Variants in TAFA4 observed in about 807,000 individuals in gnomAD.
TAFA4 encodes TAFA chemokine like family member 4.
A neutral mutation model predicts 21.1 loss-of-function variants in TAFA4; 20 were observed. The ratio of observed to expected loss-of-function variants is 0.95; its 90% CI spans 0.67 to 1.38. The LOEUF (loss-of-function observed/expected upper bound fraction) is 1.38. TAFA4 is among the 40% of genes most tolerant of loss of function. The pLI is 0.00. For missense variants in TAFA4, 211 were observed against 180.9 expected, an observed-to-expected ratio of 1.17 and a Z score of -0.95; for synonymous variants, 71 against 67.4, an observed-to-expected ratio of 1.05 and a Z score of -0.26.
At chr3:68,735,567 C>T (rs570301839) in intron 5 of TAFA4, among the ~76,000 whole-genome samples, 133 of 152,166 alleles carry the variant, frequency 8.7e-4, no homozygotes, top group Non-Finnish European at 1.7e-3. Flanking sequence ...GTTTTTTACA[C>T]GTTCCCATGA....
At chr3:68,762,657 T>C (rs1405181111) in intron 3 of TAFA4, among the ~76,000 whole-genome samples, 2 of 152,248 alleles carry the variant, frequency 1.3e-5, no homozygotes, top group Admixed American at 1.3e-4. Context: ...GGTGCTGTCC[T>C]GTTAAGTCTG....
At chr3:68,806,744 C>T (rs1703708749) in intron 3 of TAFA4, among the ~76,000 whole-genome samples, 1 of 152,028 alleles carries the variant, frequency 6.6e-6, no homozygotes, top group African/African-American at 2.4e-5. Flanking sequence ...TTATAGGAGT[C>T]ATGATTGAAC....
At chr3:68,813,856 A>G (rs1703900262) in intron 3 of TAFA4, among the ~76,000 whole-genome samples, 1 of 152,166 alleles carries the variant, frequency 6.6e-6, no homozygotes, top group African/African-American at 2.4e-5. Context: ...TGGCAGAGAC[A>G]CAACAAAAAA....
chr3:68,862,949 A>C (rs537145960), intron 3 of TAFA4, among the ~76,000 whole-genome samples: 1 of 152,084 alleles, frequency 6.6e-6, no homozygotes, highest in Non-Finnish European at 1.5e-5. Flanking sequence ...AATAAAGTTC[A>C]AGAGCCAGGC....
At chr3:68,818,609 A>G (rs1364538156) in intron 3 of TAFA4, among the ~76,000 whole-genome samples, 2 of 152,210 alleles carry the variant, frequency 1.3e-5, no homozygotes, top group East Asian at 3.9e-4. Context: ...GAGCCAATGT[A>G]GGGTTATCAA....
chr3:68,750,258 C>G (rs1702535929), intron 4 of TAFA4, among the ~76,000 whole-genome samples: 1 of 152,156 alleles, frequency 6.6e-6, no homozygotes. Flanking sequence ...GATCATGCCA[C>G]TGCACTCCAA....
intron 3 of TAFA4, among the ~76,000 whole-genome samples, chr3:68,833,691 T>C (rs1225630021): frequency 2.0e-5 from 3 of 152,164 alleles, no homozygotes; most frequent in African/African-American, 4.8e-5. Flanking sequence ...TAAATAAAAG[T>C]TTTTCTTAAC....
chr3:68,800,994 G>T (rs1483817465), intron 3 of TAFA4, among the ~76,000 whole-genome samples: 2 of 152,118 alleles, frequency 1.3e-5, no homozygotes, highest in Non-Finnish European at 2.9e-5. Flanking sequence ...CTGCTCCAAA[G>T]CTAGTTAGGC....
intron 3 of TAFA4, among the ~76,000 whole-genome samples, chr3:68,837,315 A>G (rs1704547758): frequency 6.6e-6 from 1 of 152,206 alleles, no homozygotes; most frequent in African/African-American, 2.4e-5. Flanking sequence ...AATCAGAATC[A>G]ACATTTTAAC....
chr3:68,798,736 T>G (rs1464168912), intron 3 of TAFA4, among the ~76,000 whole-genome samples: 1 of 152,208 alleles, frequency 6.6e-6, no homozygotes, highest in Admixed American at 6.5e-5. Flanking sequence ...TGAGCTATGT[T>G]TGAATTCTTG....
intron 3 of TAFA4, among the ~76,000 whole-genome samples, chr3:68,813,247 A>G (rs191647834): frequency 3.0e-4 from 45 of 152,296 alleles, no homozygotes; most frequent in Middle Eastern, 3.4e-3. Flanking sequence ...TGACACCCTA[A>G]CATCACAATT....
At chr3:68,739,909 A>G (rs1389228492) in intron 4 of TAFA4, among the ~76,000 whole-genome samples, 2 of 152,178 alleles carry the variant, frequency 1.3e-5, no homozygotes, top group East Asian at 3.9e-4. Flanking sequence ...AAGGGGTACA[A>G]AGTACACTAT....
At position 68,855,048 on chromosome 3, in the gene TAFA4, C is replaced by A. The variant is rs554464559; in HGVS notation, c.130+25682G>T. 2.2e-4 allele frequency among the ~76,000 whole-genome samples: 34 copies of A among 152,128 alleles called. No homozygotes were observed. In the East Asian group the frequency reaches 2.7e-3, roughly 12 times the overall value. On this transcript the variant is annotated intron_variant, in intron 3 of 5. Coordinates refer to ENST00000295569, the MANE Select transcript of TAFA4 (RefSeq NM_182522.5). ...ACAGTGGAACTCTTAGGGGCCAGAA[C>A]AATGACAATGATAAGTAACAAATGA...
intron 3 of TAFA4, among the ~76,000 whole-genome samples, chr3:68,821,340 T>TAAGAGAAAACAAGTCC (rs1559532889): frequency 7.7e-5 from 1 of 13,064 alleles, no homozygotes; most frequent in African/African-American, 3.6e-4. Context: ...TTTTTTTTTT[T>TAAGAGAAAACAAGTCC]TTTTTTTTTT....
Position 68,804,488 on chromosome 3 carries a change from C to T in TAFA4, c.131-51470G>A, listed in dbSNP as rs148197016. On this transcript the variant is annotated intron_variant, in intron 3 of 5. Coordinates refer to ENST00000295569, the MANE Select transcript of TAFA4 (RefSeq NM_182522.5). ...TAGAACCAAAAAAGAGCCCACACTG[C>T]CAAGTCAATCCTAAGCCAAAAGAAC... Among the ~76,000 whole-genome samples, 539 of 152,252 alleles carry T rather than the reference C, an allele frequency of 3.5e-3. 5 individuals carry two copies. Among genetic ancestry groups the T allele is most frequent in the African/African-American group, 0.012 (499 of 41,550 alleles).
chr3:68,799,610 A>T (rs1703529557), intron 3 of TAFA4, among the ~76,000 whole-genome samples: 1 of 152,224 alleles, frequency 6.6e-6, no homozygotes, highest in Non-Finnish European at 1.5e-5. Flanking sequence ...TTAATCCCAT[A>T]GCTCCTTATA....
intron 3 of TAFA4, among the ~76,000 whole-genome samples, chr3:68,800,218 A>G (rs1230139067): frequency 6.6e-6 from 1 of 152,164 alleles, no homozygotes; most frequent in Admixed American, 6.6e-5. Context: ...AGTCCATGAA[A>G]AAAATGTCTT....
chr3:68,932,529 G>C lies in TAFA4; in HGVS notation c.-412C>G, dbSNP rs1472377780. The C allele has an allele frequency of 6.6e-6, 1 of 152,088 alleles. No individual in the cohort carries two copies. The highest frequency in any genetic ancestry group is 1.9e-4 in the East Asian group (1 of 5,184). 9.4% of individuals were successfully genotyped at this position (152,088 alleles called of 1,614,324 possible). A position where few individuals can be genotyped will look rare whatever the true frequency, so the allele number is the denominator to read the frequency against. The stretch of plus-strand genomic sequence containing the variant: ...GCAGTCGGTGCGCCCCGTCCAGGGC[G>C]GCGCGCAGCTAGCAGTGCGGAGCCG... On this transcript the variant is annotated 5_prime_UTR_variant, in exon 1 of 6. Transcript: ENST00000295569.
intron 3 of TAFA4, among the ~76,000 whole-genome samples, chr3:68,831,654 A>G (rs951080548): frequency 3.9e-5 from 6 of 151,926 alleles, no homozygotes; most frequent in Non-Finnish European, 5.9e-5. Flanking sequence ...TCTGGCAATT[A>G]TATGTCTTGG....
Sources: allele counts gnomAD v4.1 joint callset (sites outside exome capture counted in the v4.1 genomes callset), GRCh38; gene constraint gnomAD v4.1.1; transcripts MANE v1.5; gene names NCBI Gene and HGNC (gene_info 2026-07-23, HGNC 2026-07-21).